The following RALGPS1 variants were observed in gnomAD, a reference collection of about 807,000 sequenced individuals.
RALGPS1 encodes the protein ras-specific guanine nucleotide-releasing factor RalGPS1.
In RALGPS1, 19 loss-of-function variants were observed where a neutral mutation model predicts 78.8. The observed-to-expected ratio is 0.24, with a 90% CI of 0.17 to 0.35. The LOEUF (loss-of-function observed/expected upper bound fraction) is 0.35, where lower values mean the gene tolerates loss of function less well. Ranked by LOEUF, RALGPS1 falls within the 10% of genes least tolerant of loss-of-function variation. RALGPS1 has a pLI of 1.00. For synonymous variants in RALGPS1, 228 were observed against 256.3 expected (o/e 0.89, Z 1.06); for missense variants, 454 against 688.3 (o/e 0.66, Z 3.81).
intron 4 of RALGPS1, among the ~76,000 whole-genome samples, chr9:127,003,527 T>C (rs1414225742): frequency 6.6e-6 from 1 of 152,192 alleles, no homozygotes; most frequent in African/African-American, 2.4e-5. Context: ...CCAGTTAGAA[T>C]GGCAATCGTT....
At chr9:127,097,463 T>G (rs1330771553) in intron 8 of RALGPS1, among the ~76,000 whole-genome samples, 1 of 152,246 alleles carries the variant, frequency 6.6e-6, no homozygotes, top group East Asian at 1.9e-4. Flanking sequence ...ACAATTTCCC[T>G]TAGAACCCTT....
chr9:126,919,245 T>G (rs376989473), intron 1 of RALGPS1, among the ~76,000 whole-genome samples: 5 of 152,332 alleles, frequency 3.3e-5, no homozygotes, highest in East Asian at 1.9e-4. Flanking sequence ...TTGACTGATA[T>G]AAGCATAATT....
intron 8 of RALGPS1, among the ~76,000 whole-genome samples, chr9:127,098,377 C>G (rs1434974956): frequency 6.6e-6 from 1 of 152,184 alleles, no homozygotes; most frequent in African/African-American, 2.4e-5. Flanking sequence ...CACCTGGGCT[C>G]AGAGTGGAGC....
intron 3 of RALGPS1, among the ~76,000 whole-genome samples, chr9:126,971,900 G>T (rs903764588): frequency 6.6e-6 from 1 of 152,150 alleles, no homozygotes; most frequent in Non-Finnish European, 1.5e-5. Flanking sequence ...TTGAGACCAA[G>T]ATTTTCAAAA....
At chr9:127,062,214 C>T (rs954898018) in intron 7 of RALGPS1, among the ~76,000 whole-genome samples, 4 of 152,128 alleles carry the variant, frequency 2.6e-5, no homozygotes, top group Non-Finnish European at 5.9e-5. Context: ...TCTCTTGCCT[C>T]AGCCTCTCAA....
At chr9:126,969,313 C>A (rs754357028) in intron 3 of RALGPS1, among the ~76,000 whole-genome samples, 28 of 152,222 alleles carry the variant, frequency 1.8e-4, no homozygotes, top group Non-Finnish European at 3.8e-4. Flanking sequence ...AATTACACCA[C>A]AGTGCAGTGC....
At chr9:127,129,476 G>GGCCAC (rs2056859143) in intron 8 of RALGPS1, among the ~76,000 whole-genome samples, 3 of 152,164 alleles carry the variant, frequency 2.0e-5, no homozygotes, top group African/African-American at 7.2e-5. Flanking sequence ...ACAGGTACCT[G>GGCCAC]CTGAAATTCC....
intron 8 of RALGPS1, among the ~76,000 whole-genome samples, chr9:127,113,954 G>C (rs963098945): frequency 6.6e-6 from 1 of 152,260 alleles, no homozygotes; most frequent in Non-Finnish European, 1.5e-5. Context: ...GGAGCTGTGT[G>C]TTCTGCCCTG....
At chr9:127,086,322 A>G (rs2051735946) in intron 8 of RALGPS1, among the ~76,000 whole-genome samples, 1 of 152,234 alleles carries the variant, frequency 6.6e-6, no homozygotes, top group South Asian at 2.1e-4. Context: ...CTTCAACAAT[A>G]TGGAGTCAAT....
At chr9:127,023,758 G>C (rs1323878372) in intron 4 of RALGPS1, among the ~76,000 whole-genome samples, 2 of 152,150 alleles carry the variant, frequency 1.3e-5, no homozygotes, top group Non-Finnish European at 2.9e-5. Context: ...AAACAGGGCT[G>C]GGCGCGGTGG....
intron 8 of RALGPS1, among the ~76,000 whole-genome samples, chr9:127,155,479 T>G (rs1341583885): frequency 6.6e-6 from 1 of 152,026 alleles, no homozygotes; most frequent in Non-Finnish European, 1.5e-5. Context: ...AGGGGCTGCA[T>G]GGAGGGGCTG....
At position 127,108,097 on chromosome 9, in the gene RALGPS1, G is replaced by A. The variant is rs780760306; in HGVS notation, c.610+38741G>A. 87 of 1,612,118 alleles carry A rather than the reference G, an allele frequency of 5.4e-5. No individual in the cohort carries two copies. The highest frequency in any genetic ancestry group is 7.1e-5 in the Non-Finnish European group (84 of 1,179,080). ...GGCAGCGGGGGGTGGCTGGGGGACG[G>A]GCCTGGCCGAGGGCACCCTCTGGCA... On this transcript the variant is annotated intron_variant, in intron 8 of 18. Transcript: ENST00000259351.
At chr9:127,214,409 C>A (rs1052468040) in intron 17 of RALGPS1, among the ~76,000 whole-genome samples, 1 of 152,092 alleles carries the variant, frequency 6.6e-6, no homozygotes, top group South Asian at 2.1e-4. Flanking sequence ...TATAGAAGCA[C>A]CTATAGAATT....
At chr9:127,171,927 C>T (rs761231836) in intron 10 of RALGPS1, among the ~76,000 whole-genome samples, 4 of 152,186 alleles carry the variant, frequency 2.6e-5, no homozygotes, top group South Asian at 2.1e-4. Context: ...CAGCTTCCAA[C>T]TTTTTGTTAG....
At chr9:127,107,805 T>G in intron 8 of RALGPS1, 2 of 1,167,424 alleles carry the variant, frequency 1.7e-6, no homozygotes. Flanking sequence ...GTGCATGTCT[T>G]TGGCCTGGCT....
chr9:127,204,168 G>T (rs2061804154), intron 14 of RALGPS1, among the ~76,000 whole-genome samples: 1 of 152,052 alleles, frequency 6.6e-6, no homozygotes, highest in African/African-American at 2.4e-5. Flanking sequence ...CTGATTTAGG[G>T]ACTTTTTTTT....
chr9:127,031,675 T>C (rs2046444687), intron 4 of RALGPS1, among the ~76,000 whole-genome samples: 1 of 152,246 alleles, frequency 6.6e-6, no homozygotes, highest in South Asian at 2.1e-4. Flanking sequence ...TGACATGGTG[T>C]GGGATTCAGA....
chr9:126,954,717 G>A (rs2038183596), intron 1 of RALGPS1, among the ~76,000 whole-genome samples: 3 of 152,200 alleles, frequency 2.0e-5, no homozygotes, highest in Admixed American at 2.0e-4. Flanking sequence ...CAGGAGAATT[G>A]TTTGAACCTG....
intron 1 of RALGPS1, among the ~76,000 whole-genome samples, chr9:126,920,779 A>G (rs2034675585): frequency 6.6e-6 from 1 of 152,146 alleles, no homozygotes; most frequent in Middle Eastern, 3.2e-3. Flanking sequence ...GCCCTTTGGG[A>G]TCTCACAGTC....
Sources: allele counts gnomAD v4.1 joint callset (sites outside exome capture counted in the v4.1 genomes callset), GRCh38; gene constraint gnomAD v4.1.1; transcripts MANE v1.5; gene names NCBI Gene and HGNC (gene_info 2026-07-23, HGNC 2026-07-21).